Variants in SMG1 observed in about 807,000 individuals in gnomAD.
SMG1 encodes serine/threonine-protein kinase SMG1.
A neutral mutation model predicts 419.9 loss-of-function variants in SMG1; 22 were observed. The observed-to-expected ratio is 0.05, with a 90% CI of 0.04 to 0.07. SMG1 has a LOEUF of 0.07. Among genes scored for constraint, SMG1 ranks in the 10% least tolerant of loss-of-function variants. The pLI, the probability that SMG1 is intolerant of heterozygous loss-of-function variation, is 1.00. For synonymous variants in SMG1, 1,538 were observed against 1,553.5 expected (o/e 0.99, Z 0.23); for missense variants, 3,185 against 4,342.0 (o/e 0.73, Z 7.49).
intron 56 of SMG1, among the ~76,000 whole-genome samples, chr16:18,819,119 C>G (rs2032287341): frequency 6.6e-6 from 1 of 152,190 alleles, no homozygotes; most frequent in Admixed American, 6.5e-5. Flanking sequence ...GCCTGGCCAA[C>G]AGGGCACAAG....
chr16:18,834,485 A>C, intron 49 of SMG1, 47 bp from the exon 50 acceptor site: 3 of 1,551,462 alleles, frequency 1.9e-6, no homozygotes, highest in Non-Finnish European at 2.6e-6. Flanking sequence ...TGTATAAACA[A>C]AACAAGGTAA....
At chr16:18,908,475 T>TAA (rs2037662814) in intron 1 of SMG1, among the ~76,000 whole-genome samples, 1 of 58,748 alleles carries the variant, frequency 1.7e-5, no homozygotes, top group African/African-American at 9.9e-5. Flanking sequence ...AGACTCCGTC[T>TAA]CAAAAAAAAA....
intron 13 of SMG1, chr16:18,875,363 G>A (rs905985794): frequency 6.6e-6 from 1 of 152,612 alleles, no homozygotes; most frequent in African/African-American, 2.4e-5. Flanking sequence ...GGCCAAGGCA[G>A]GTGGATCACC....
At chr16:18,894,840 C>G (rs1025471769) in intron 3 of SMG1, among the ~76,000 whole-genome samples, 1 of 152,014 alleles carries the variant, frequency 6.6e-6, no homozygotes, top group Admixed American at 6.6e-5. Flanking sequence ...TTTTTTGAGA[C>G]AGAGTCTCGC....
Position 18,847,522 on chromosome 16 carries a change from T to C in SMG1, c.5927A>G (p.Tyr1976Cys), listed in dbSNP as rs367950638. 1.7e-5 allele frequency: 27 copies of C among 1,613,954 alleles called. No individual in the cohort carries two copies. The African/African-American group carries it at 3.3e-4, about 20-fold the overall frequency. The change falls in exon 38 of 63, where the codon TAT becomes TGT. Residue 1976 changes from tyrosine (Y) to cysteine (C), a missense_variant. Tyr to Cys is a radical substitution (Grantham distance 194). This residue lies in a region of SMG1 where 130 missense variants were observed against 162.0 expected (regional missense o/e 0.80). Transcript: ENST00000446231. The stretch of plus-strand genomic sequence containing the variant: ...AAGCTGCTGAATTCGTCTCAGGACA[T>C]ACATGTGTTGTTGCAGCAAAACTCC... Reference protein sequence around the residue: ...WLGVLLQQHMYVLRRIQQLED... With the variant: ...WLGVLLQQHMCVLRRIQQLED...
At chr16:18,884,416 A>G (rs1320347762) in intron 8 of SMG1, among the ~76,000 whole-genome samples, 1 of 152,152 alleles carries the variant, frequency 6.6e-6, no homozygotes, top group Admixed American at 6.5e-5. Context: ...TTACTTTTTC[A>G]GTAAATTTCA....
At position 18,818,080 on chromosome 16, in the gene SMG1, A is replaced by T. The variant is rs906348886; in HGVS notation, c.9895-610T>A. Among the ~76,000 whole-genome samples, 9 of 31,060 alleles carry T rather than the reference A, an allele frequency of 2.9e-4. No homozygotes were observed. In the East Asian group the frequency reaches 2.9e-3, roughly 10 times the overall value. The allele number at this position is 31,060 out of a possible 152,430, so 20.4% of individuals were successfully genotyped here. A position where few individuals can be genotyped will look rare whatever the true frequency, so the allele number is the denominator to read the frequency against. On this transcript the variant is annotated intron_variant, in intron 56 of 62. Coordinates refer to ENST00000446231, the MANE Select transcript of SMG1 (RefSeq NM_015092.5). ...AGGTGCGTGCCACCATGCCTAGCTA[A>T]AAAAAAAAAAAAAATTTATTGGCCA...
intron 56 of SMG1, among the ~76,000 whole-genome samples, chr16:18,819,090 T>TA (rs1222103929): frequency 2.0e-5 from 3 of 151,922 alleles, no homozygotes; most frequent in African/African-American, 7.2e-5. Flanking sequence ...GTGCTGGGAT[T>TA]ACAGGCGTAA....
At chr16:18,846,730 G>T (rs2034288543) in intron 38 of SMG1, among the ~76,000 whole-genome samples, 1 of 152,174 alleles carries the variant, frequency 6.6e-6, no homozygotes, top group African/African-American at 2.4e-5. Context: ...AAGAAGTGTT[G>T]CCAAGGATTA....
In SMG1 at chr16:18,884,108, G is replaced by C. The variant is rs1414867172; in HGVS notation, c.1081C>G (p.Leu361Val). The C allele has an allele frequency of 1.2e-6, 2 of 1,604,904 alleles. No individual in the cohort carries two copies. The highest frequency in any genetic ancestry group is 1.3e-5 in the African/African-American group (1 of 74,460). Residue 361 changes from leucine to valine, a missense_variant, in exon 9 of 63, where the codon CTT becomes GTT. By Grantham distance (32) the Leu-to-Val change is conservative. Around this residue, in one of 27 missense-constraint regions of SMG1, gnomAD observed 27 missense variants for 59.4 expected, o/e 0.45. Coordinates refer to ENST00000446231, the MANE Select transcript of SMG1 (RefSeq NM_015092.5). ...TCCATGTCTTCCAGAAACTGACCAA[G>C]AAGAGTAGTAGAAAATGCAAGATCA... ...VADLAFSTTL[L>V]GQFLEDMEAY...
intron 29 of SMG1, among the ~76,000 whole-genome samples, 179 bp from the exon 30 acceptor site, chr16:18,855,083 G>A (rs909660558): frequency 6.6e-6 from 1 of 152,182 alleles, no homozygotes; most frequent in Admixed American, 6.5e-5. Flanking sequence ...AACAGGTTTT[G>A]CTAAATTAAA....
chr16:18,848,002 T>A lies in SMG1; in HGVS notation c.5655A>T (p.Leu1885Phe), dbSNP rs751957475. Residue 1885 changes from leucine (L) to phenylalanine (F), a missense_variant, in exon 37 of 63, where the codon TTA (leucine) becomes TTT (phenylalanine). This residue lies in a region of SMG1 where 130 missense variants were observed against 162.0 expected (regional missense o/e 0.80). Coordinates refer to ENST00000446231, the MANE Select transcript of SMG1 (RefSeq NM_015092.5). ...GNKFSTAIPTLLGNIQGEELL... is the reference protein window; with the variant it reads ...GNKFSTAIPTFLGNIQGEELL... ...ATTCTTCTCCTTGAATATTGCCAAG[T>A]AAAGTTGGAATTGCAGTGGAAAATT... The A allele has an allele frequency of 1.4e-5, 23 of 1,613,784 alleles. No homozygotes were observed. The highest frequency in any genetic ancestry group is 1.6e-4 in the Middle Eastern group (1 of 6,078).
At position 18,838,694 on chromosome 16, in the gene SMG1, A is replaced by T. The variant is rs557424898; in HGVS notation, c.6946-5T>A. 2.2e-4 allele frequency: 350 copies of T among 1,574,150 alleles called. 2 individuals carry two copies. In the African/African-American group the frequency reaches 4.3e-3, roughly 20 times the overall value. The stretch of plus-strand genomic sequence containing the variant: ...TGCAGTAGATCTTGCATAAGACTAA[A>T]GGAAAGGAAATGGGGGCAGCAAGTG... On this transcript the variant is annotated splice_region_variant and splice_polypyrimidine_tract_variant and intron_variant, in intron 42 of 62. Coordinates refer to ENST00000446231, the MANE Select transcript of SMG1 (RefSeq NM_015092.5).
At chr16:18,866,578 A>T in intron 23 of SMG1, 43 bp downstream of exon 23, 1 of 1,555,814 alleles carries the variant, frequency 6.4e-7, no homozygotes, top group East Asian at 2.2e-5. Context: ...CAGAACTTAA[A>T]CATAAAGTAA....
chr16:18,813,376 A>G (rs532937410), intron 60 of SMG1, among the ~76,000 whole-genome samples: 147 of 152,220 alleles, frequency 9.7e-4, no homozygotes, highest in African/African-American at 3.4e-3. Flanking sequence ...CTGGTGTGAG[A>G]TGGTATCTCA....
At chr16:18,909,660 A>G (rs1163488601) in intron 1 of SMG1, among the ~76,000 whole-genome samples, 1 of 152,260 alleles carries the variant, frequency 6.6e-6, no homozygotes, top group Non-Finnish European at 1.5e-5. Context: ...CTCACAAATC[A>G]AATACTGAAA....
chr16:18,877,069 A>G, intron 12 of SMG1, 62 bp downstream of exon 12: 1 of 1,196,336 alleles, frequency 8.4e-7, no homozygotes, highest in Non-Finnish European at 1.2e-6. Context: ...CTGGTAAGCA[A>G]CATTAGGTCC....
chr16:18,887,144 G>A (rs566581130), intron 6 of SMG1, among the ~76,000 whole-genome samples: 1 of 152,240 alleles, frequency 6.6e-6, no homozygotes, highest in South Asian at 2.1e-4. Flanking sequence ...CATATATTAT[G>A]AAATTATTAT....
chr16:18,846,776 T>C (rs1432196506), intron 38 of SMG1, among the ~76,000 whole-genome samples: 1 of 152,192 alleles, frequency 6.6e-6, no homozygotes, highest in Non-Finnish European at 1.5e-5. Flanking sequence ...GCTAGGAGGA[T>C]TGTAAAATGG....
Sources: allele counts gnomAD v4.1 joint callset (sites outside exome capture counted in the v4.1 genomes callset), GRCh38; gene constraint gnomAD v4.1.1; regional missense constraint gnomAD v4.1.1; transcripts MANE v1.5; gene names NCBI Gene and HGNC (gene_info 2026-07-23, HGNC 2026-07-21).